POR: variants seen among roughly 807,000 people sequenced by gnomAD.
POR encodes NADPH--cytochrome P450 reductase.
POR carries 56 observed loss-of-function variants against 84.0 expected under a neutral mutation model. That is an observed-to-expected ratio of 0.67 (90% CI 0.54 to 0.83). The LOEUF (loss-of-function observed/expected upper bound fraction) is 0.83, where lower values mean the gene tolerates loss of function less well. POR is among the 40% of genes least tolerant of loss of function. The pLI is 0.00. For synonymous variants in POR, 414 were observed against 400.5 expected (o/e 1.03, Z -0.40); for missense variants, 938 against 944.3 (o/e 0.99, Z 0.09).
At chr7:75,940,954 A>G (rs1000230339) in intron 1 of POR, among the ~76,000 whole-genome samples, 2 of 152,096 alleles carry the variant, frequency 1.3e-5, no homozygotes, top group African/African-American at 2.4e-5. Context: ...TGAGCCCAGG[A>G]GTTTGAGACC....
At chr7:75,970,133 C>T (rs1447909697) in intron 2 of POR, among the ~76,000 whole-genome samples, 2 of 151,988 alleles carry the variant, frequency 1.3e-5, no homozygotes, top group African/African-American at 2.4e-5. Context: ...CGGGCCACTG[C>T]GGGAGGGGTG....
At chr7:75,960,112 A>C (rs1787871922) in intron 2 of POR, among the ~76,000 whole-genome samples, 1 of 151,968 alleles carries the variant, frequency 6.6e-6, no homozygotes, top group Non-Finnish European at 1.5e-5. Flanking sequence ...AACATGACGA[A>C]ACCCTGTCTC....
rs545507144 is a variant in POR, at chr7:75,955,136, C to T, written c.188+956C>T. Among the ~76,000 whole-genome samples the T allele has an allele frequency of 5.8e-4, 89 of 152,324 alleles. 2 individuals carry two copies. In the South Asian group the frequency reaches 0.018, roughly 31 times the overall value. On this transcript the variant is annotated intron_variant, in intron 2 of 15. Coordinates refer to ENST00000461988, the MANE Select transcript of POR (RefSeq NM_000941.3). ...GGATTACAGGCGTGAGCCACTGTAC[C>T]CAGCCTAGAATTGGCATTTTAAAGT...
intron 2 of POR, among the ~76,000 whole-genome samples, chr7:75,970,790 G>C (rs1585119457): frequency 6.6e-6 from 1 of 151,090 alleles, no homozygotes; most frequent in Non-Finnish European, 1.5e-5. Context: ...CAAGTCTTTT[G>C]ATAGTTTTTC....
At position 75,985,063 on chromosome 7, in the gene POR, G is replaced by T; in HGVS notation, c.1254G>T (p.Leu418=). The change falls in exon 12 of 16, where the codon CTG becomes CTT. Residue 418 remains leucine (L), a synonymous_variant. Coordinates refer to ENST00000461988, the MANE Select transcript of POR (RefSeq NM_000941.3). ...CTCACCCCCGTGTCTCTTAGGAGCT[G>T]TACCTGAGCTGGGTGGTGGAGGCCC... 1 of 1,598,280 alleles carries T rather than the reference G, an allele frequency of 6.3e-7. No homozygotes were observed. Among genetic ancestry groups the T allele is most frequent in the Non-Finnish European group, 8.5e-7 (1 of 1,178,330 alleles).
At chr7:75,975,852 C>G (rs1406275150) in intron 3 of POR, among the ~76,000 whole-genome samples, 1 of 104,602 alleles carries the variant, frequency 9.6e-6, no homozygotes, top group Non-Finnish European at 1.8e-5. Flanking sequence ...GGGTCTCACT[C>G]TGTTGCCCAG....
rs540000393 is a variant in POR, at chr7:75,982,337, C to T, written c.830+15C>T. On this transcript the variant is annotated intron_variant, in intron 8 of 15. Coordinates refer to ENST00000461988, the MANE Select transcript of POR (RefSeq NM_000941.3). ...AACCAGAAGCCGTGAGTGGAGGGAG[C>T]GTGGCTTGGGGCAGACGGCTCTATG... The T allele has an allele frequency of 2.6e-5, 42 of 1,600,846 alleles. 1 individual carries two copies. Among genetic ancestry groups the T allele is most frequent in the Admixed American group, 2.1e-4 (12 of 58,326 alleles).
intron 1 of POR, among the ~76,000 whole-genome samples, chr7:75,945,546 C>T (rs1787136991): frequency 6.6e-6 from 1 of 152,188 alleles, no homozygotes; most frequent in Non-Finnish European, 1.5e-5. Flanking sequence ...CCCCGAGTAC[C>T]TCTCAGTCCC....
intron 4 of POR, among the ~76,000 whole-genome samples, chr7:75,979,988 CG>C (rs1183189705): frequency 2.0e-5 from 3 of 152,230 alleles, no homozygotes; most frequent in African/African-American, 7.2e-5. Flanking sequence ...CAGTGTGCAC[CG>C]GGGCTGTGCG....
At chr7:75,959,276 A>G (rs1787828610) in intron 2 of POR, among the ~76,000 whole-genome samples, 1 of 152,170 alleles carries the variant, frequency 6.6e-6, no homozygotes, top group Admixed American at 6.5e-5. Flanking sequence ...TCAAGCCTAG[A>G]TCTCCTATTC....
intron 7 of POR, 41 bp from the exon 8 acceptor site, chr7:75,982,183 C>T (rs1208006437): frequency 6.6e-7 from 1 of 1,524,566 alleles, no homozygotes; most frequent in Non-Finnish European, 9.0e-7. Context: ...GGGACTGACC[C>T]CTGCCGCTTC....
chr7:75,917,383 C>CTT (rs373478392), intron 1 of POR, among the ~76,000 whole-genome samples: 9 of 115,254 alleles, frequency 7.8e-5, no homozygotes, highest in African/African-American at 2.7e-4. Context: ...ATTTCTTCTT[C>CTT]TTTTTTTTTT....
intron 2 of POR, among the ~76,000 whole-genome samples, chr7:75,957,358 A>G (rs1382594989): frequency 3.3e-5 from 5 of 152,228 alleles, no homozygotes; most frequent in African/African-American, 1.2e-4. Flanking sequence ...CATCCTGTCC[A>G]GGGCTGGTAC....
intron 1 of POR, among the ~76,000 whole-genome samples, chr7:75,935,130 G>T (rs2116301961): frequency 6.6e-6 from 1 of 152,276 alleles, no homozygotes; most frequent in South Asian, 2.1e-4. Flanking sequence ...AAGCCACCAG[G>T]ACAGAGCTGC....
chr7:75,984,647 C>G (rs1789295160), intron 10 of POR, 130 bp from the exon 11 acceptor site: 1 of 813,822 alleles, frequency 1.2e-6, no homozygotes, highest in African/African-American at 1.7e-5. Context: ...GAGCATAGGC[C>G]TTGTTTCCAG....
intron 1 of POR, among the ~76,000 whole-genome samples, chr7:75,929,491 T>A (rs1312923637): frequency 6.6e-6 from 1 of 152,158 alleles, no homozygotes; most frequent in Non-Finnish European, 1.5e-5. Flanking sequence ...TGACCTCAGG[T>A]GATCTTCCCA....
chr7:75,962,527 G>A (rs113114885), intron 2 of POR, among the ~76,000 whole-genome samples: 38 of 152,244 alleles, frequency 2.5e-4, no homozygotes, highest in African/African-American at 8.9e-4. Flanking sequence ...TTGTTCGAAC[G>A]TCTGAGTTCA....
intron 2 of POR, 34 bp downstream of exon 2, chr7:75,954,214 C>T: frequency 6.4e-7 from 1 of 1,560,310 alleles, no homozygotes; most frequent in Non-Finnish European, 8.8e-7. Context: ...TCTCTCTGTC[C>T]CTCTTCTGTC....
At chr7:75,986,276 G>A (rs1554559414) in intron 15 of POR, 35 bp downstream of exon 15, 4 of 1,612,516 alleles carry the variant, frequency 2.5e-6, no homozygotes, top group East Asian at 4.5e-5. Context: ...AGGGGGCAGG[G>A]AGGACAAGGC....
Sources: allele counts gnomAD v4.1 joint callset (sites outside exome capture counted in the v4.1 genomes callset), GRCh38; gene constraint gnomAD v4.1.1; transcripts MANE v1.5; gene names NCBI Gene and HGNC (gene_info 2026-07-23, HGNC 2026-07-21).